Variants in CRACD observed in about 807,000 individuals in gnomAD.
The protein encoded by CRACD is capping protein inhibiting regulator of actin dynamics.
CRACD carries 56 observed loss-of-function variants against 106.8 expected under a neutral mutation model. That is an observed-to-expected ratio of 0.52 (90% confidence interval 0.42 to 0.66). CRACD has a LOEUF of 0.66. CRACD is among the 30% of genes least tolerant of loss of function. The pLI, the probability that CRACD is intolerant of heterozygous loss-of-function variation, is 0.00. For missense variants in CRACD, 1,730 were observed against 1,623.2 expected (o/e 1.07, Z -1.13); for synonymous variants, 754 against 670.8 (o/e 1.12, Z -1.92).
chr4:56,082,581 C>T (rs1733069992), intron 1 of CRACD, among the ~76,000 whole-genome samples: 1 of 152,022 alleles, frequency 6.6e-6, no homozygotes, highest in Admixed American at 6.6e-5. Context: ...GCCTATAGGC[C>T]TGCCAGTGGA....
intron 2 of CRACD, among the ~76,000 whole-genome samples, chr4:56,210,003 C>T (rs1205571717): frequency 2.0e-5 from 3 of 152,100 alleles, no homozygotes; most frequent in Non-Finnish European, 4.4e-5. Context: ...CTCAGAATAT[C>T]TGGGGCCAAA....
intron 2 of CRACD, among the ~76,000 whole-genome samples, chr4:56,182,529 A>G (rs751150773): frequency 3.3e-5 from 5 of 151,776 alleles, no homozygotes; most frequent in Non-Finnish European, 7.4e-5. Flanking sequence ...CGTCAGTGTG[A>G]TTTCACCATG....
intron 1 of CRACD, among the ~76,000 whole-genome samples, chr4:56,142,560 A>G (rs1345915112): frequency 1.3e-5 from 2 of 152,128 alleles, no homozygotes; most frequent in South Asian, 2.1e-4. Flanking sequence ...TGAAATGTTT[A>G]TGTAATTCTA....
intron 1 of CRACD, among the ~76,000 whole-genome samples, chr4:56,138,892 G>A (rs1735096838): frequency 6.6e-6 from 1 of 152,148 alleles, no homozygotes; most frequent in African/African-American, 2.4e-5. Flanking sequence ...TTCCAGAAGA[G>A]ATCTTCTATT....
chr4:56,067,831 C>T (rs1195869308), intron 1 of CRACD, among the ~76,000 whole-genome samples: 1 of 152,228 alleles, frequency 6.6e-6, no homozygotes, highest in Non-Finnish European at 1.5e-5. Flanking sequence ...CTGCCTCGGC[C>T]TTCCAAAGTG....
chr4:56,200,265 C>G (rs1190750049), intron 2 of CRACD, among the ~76,000 whole-genome samples: 2 of 152,040 alleles, frequency 1.3e-5, no homozygotes, highest in Admixed American at 6.6e-5. Flanking sequence ...TTTAATTAAA[C>G]TAGAACCTCA....
intron 1 of CRACD, among the ~76,000 whole-genome samples, chr4:56,090,113 T>A (rs1412734563): frequency 4.0e-5 from 6 of 150,666 alleles, no homozygotes; most frequent in Admixed American, 3.3e-4. Context: ...CTTAATCAGA[T>A]GCCTTAATAT....
chr4:56,143,765 T>C (rs950068109), intron 1 of CRACD, among the ~76,000 whole-genome samples: 3 of 152,192 alleles, frequency 2.0e-5, no homozygotes, highest in African/African-American at 7.2e-5. Flanking sequence ...GTCAATGTTA[T>C]ACTTCATTCA....
chr4:56,194,770 C>A (rs557935953), intron 2 of CRACD, among the ~76,000 whole-genome samples: 3 of 152,264 alleles, frequency 2.0e-5, no homozygotes, highest in African/African-American at 7.2e-5. Context: ...ACATAAATTT[C>A]TGTTGTTTAT....
At chr4:56,084,858 G>A (rs1733160826) in intron 1 of CRACD, among the ~76,000 whole-genome samples, 1 of 152,198 alleles carries the variant, frequency 6.6e-6, no homozygotes, top group Non-Finnish European at 1.5e-5. Context: ...GTTTCTAGGT[G>A]AGTTTTGATT....
chr4:56,175,870 G>A (rs537498337), intron 1 of CRACD, among the ~76,000 whole-genome samples: 53 of 152,292 alleles, frequency 3.5e-4, no homozygotes, highest in Admixed American at 7.2e-4. Flanking sequence ...CCAATGTCCT[G>A]AAGCATTTCC....
chr4:56,179,578 C>G (rs866262774), intron 2 of CRACD, 148 bp downstream of exon 2: 1 of 152,124 alleles, frequency 6.6e-6, no homozygotes. Flanking sequence ...GTGATCTAAT[C>G]CTAGATTGCA....
At chr4:56,195,297 C>T (rs1039357687) in intron 2 of CRACD, among the ~76,000 whole-genome samples, 4 of 151,964 alleles carry the variant, frequency 2.6e-5, no homozygotes, top group Admixed American at 6.6e-5. Context: ...GGAAAAGATG[C>T]GTCAATTTTC....
intron 2 of CRACD, among the ~76,000 whole-genome samples, chr4:56,270,381 C>T (rs1742280829): frequency 6.6e-6 from 1 of 152,060 alleles, no homozygotes; most frequent in Admixed American, 6.6e-5. Context: ...TGTGACATCT[C>T]AGTAAGGCCA....
chr4:56,068,419 A>C (rs1439846465), intron 1 of CRACD, among the ~76,000 whole-genome samples: 2 of 152,238 alleles, frequency 1.3e-5, no homozygotes, highest in African/African-American at 2.4e-5. Context: ...CTGGAGGGCC[A>C]TCAGAAGGAC....
chr4:56,222,546 A>G (rs889091618), intron 2 of CRACD, among the ~76,000 whole-genome samples: 2 of 152,224 alleles, frequency 1.3e-5, no homozygotes, highest in Non-Finnish European at 2.9e-5. Flanking sequence ...TGAAATAAAT[A>G]TATGTAGACA....
chr4:56,105,212 T>G (rs768613835), intron 1 of CRACD, among the ~76,000 whole-genome samples: 1 of 152,100 alleles, frequency 6.6e-6, no homozygotes, highest in Non-Finnish European at 1.5e-5. Flanking sequence ...GAAATAATGT[T>G]TGCTGGCAGG....
intron 2 of CRACD, among the ~76,000 whole-genome samples, chr4:56,231,136 T>C (rs1739594898): frequency 6.6e-6 from 1 of 152,242 alleles, no homozygotes; most frequent in South Asian, 2.1e-4. Flanking sequence ...TGATTTATTT[T>C]CCTTCTAGGC....
chr4:56,313,476 A>C, intron 7 of CRACD, 97 bp downstream of exon 7: 1 of 1,068,290 alleles, frequency 9.4e-7, no homozygotes. Context: ...CCATGTAAAG[A>C]CCTGAGAGTC....
Sources: gnomAD v4.1 joint callset for allele counts (sites outside exome capture counted in the v4.1 genomes callset) on GRCh38, gnomAD v4.1.1 for gene constraint, MANE v1.5 for transcripts, NCBI Gene and HGNC (gene_info 2026-07-23, HGNC 2026-07-21) for gene names.